EPN3: variants seen among roughly 807,000 people sequenced by gnomAD.
EPN3 encodes epsin-3.
Under a neutral mutation model 55.5 loss-of-function variants are expected in EPN3, and 56 were observed. That is an observed-to-expected ratio of 1.01 (90% CI 0.81 to 1.26). EPN3 has a LOEUF of 1.26. EPN3 is among the 50% of genes most tolerant of loss of function. The pLI is 0.00. For synonymous variants in EPN3, 449 were observed against 375.2 expected (o/e 1.20, Z -2.27); for missense variants, 927 against 853.4 (o/e 1.09, Z -1.07).
At chr17:50,538,229 G>A in intron 3 of EPN3, 32 bp downstream of exon 3, 2 of 1,552,076 alleles carry the variant, frequency 1.3e-6, no homozygotes, top group Non-Finnish European at 1.8e-6. Context: ...GCGGTGGGGA[G>A]GGGATGGGCT....
chr17:50,534,737 A>T, intron 1 of EPN3: 1 of 830,410 alleles, frequency 1.2e-6, no homozygotes, highest in East Asian at 1.2e-4. Context: ...AAACCTGCCA[A>T]GGCATGTTTT....
At chr17:50,539,040 C>T in intron 4 of EPN3, 76 bp downstream of exon 4, 1 of 1,534,330 alleles carries the variant, frequency 6.5e-7, no homozygotes, top group East Asian at 2.3e-5. Flanking sequence ...CTAACAGCCT[C>T]CTCCCGCTGT....
At chr17:50,538,993 GTGC>G (rs770136408) in intron 4 of EPN3, 29 bp downstream of exon 4, 447 of 1,567,876 alleles carry the variant, frequency 2.9e-4, no homozygotes, top group Admixed American at 6.7e-4. Context: ...TGGGCTGCCG[GTGC>G]TGCTGCTGCT....
intron 1 of EPN3, among the ~76,000 whole-genome samples, chr17:50,535,182 G>A (rs1332162051): frequency 6.6e-6 from 1 of 152,182 alleles, no homozygotes; most frequent in African/African-American, 2.4e-5. Context: ...AGCGTTTTGG[G>A]GCTTTGGAGA....
chr17:50,535,021 G>C (rs1218118229), intron 1 of EPN3, among the ~76,000 whole-genome samples: 1 of 152,196 alleles, frequency 6.6e-6, no homozygotes, highest in Non-Finnish European at 1.5e-5. Context: ...GGTGGTCAGG[G>C]AATTCCTCTT....
chr17:50,539,177 C>A lies in EPN3; in HGVS notation c.763-10C>A, dbSNP rs754944433. The stretch of plus-strand genomic sequence containing the variant: ...GCTCATGCTCCTAACTCTTTCTGTG[C>A]CTTCTGCAGGAGGTGAGGTCCTGGC... On this transcript the variant is annotated splice_polypyrimidine_tract_variant and intron_variant, in intron 4 of 9. Transcript: ENST00000268933. The A allele has an allele frequency of 3.7e-6, 6 of 1,613,588 alleles. No homozygotes were observed. In the South Asian group the frequency reaches 5.5e-5, roughly 15 times the overall value.
At chr17:50,538,310 C>A in intron 3 of EPN3, 113 bp downstream of exon 3, 1 of 781,726 alleles carries the variant, frequency 1.3e-6, no homozygotes, top group Non-Finnish European at 2.1e-6. Flanking sequence ...CAGTCCTGTG[C>A]CCAAGGACAG....
In EPN3 at chr17:50,536,510, TC is replaced by T; in HGVS notation, c.-45del. On this transcript the variant is annotated 5_prime_UTR_variant, in exon 2 of 10. Transcript: ENST00000268933. ...ACCTCGCCACAGTGGCCCTCAGCCC[TC>T]CACCTCCGGCGGGGGCGAGGGCCAC... 2 of 1,610,732 alleles carry T rather than the reference TC, an allele frequency of 1.2e-6. No individual in the cohort carries two copies. The highest frequency in any genetic ancestry group is 2.2e-5 in the East Asian group (1 of 44,744).
Position 50,538,170 on chromosome 17 carries a change from CG to C in EPN3, c.655del (p.Ala219ProfsTer2), listed in dbSNP as rs780489038. On this transcript the variant is annotated frameshift_variant, in exon 3 of 10. Transcript: ENST00000268933. LOFTEE classifies it high-confidence loss of function. ...AGGAACTGCAGCTGCAGCTGGCCCT[CG>C]CCATGAGCCGTGAGGAGGCAGAGAA... is the stretch of plus-strand genomic sequence containing the variant. The part of the protein sequence containing the change: ...EEELQLQLAL[A>X]MSREEAEKPV... 6.2e-6 allele frequency: 10 copies of C among 1,611,092 alleles called. No individual in the cohort carries two copies. The East Asian group carries it at 2.2e-4, about 36-fold the overall frequency.
intron 1 of EPN3, 165 bp from the exon 2 acceptor site, chr17:50,536,256 A>C: frequency 2.3e-6 from 1 of 437,114 alleles, no homozygotes; most frequent in Non-Finnish European, 4.1e-6. Flanking sequence ...TGAGCATGCA[A>C]AGCTCCAAGT....
intron 1 of EPN3, 177 bp from the exon 2 acceptor site, chr17:50,536,244 G>C (rs2034758821): frequency 1.2e-5 from 5 of 400,660 alleles, no homozygotes; most frequent in South Asian, 6.0e-5. Flanking sequence ...AAGATAGATA[G>C]ATGAGCATGC....
intron 2 of EPN3, 101 bp downstream of exon 2, chr17:50,537,219 G>A (rs925173998): frequency 8.2e-7 from 1 of 1,213,246 alleles, no homozygotes; most frequent in African/African-American, 1.5e-5. Flanking sequence ...CCTCCGAGGG[G>A]TGTTATGAAG....
rs373662801 is a variant in EPN3, at chr17:50,536,715, C to T, written c.159C>T (p.Phe53=). Residue 53 remains phenylalanine (F), a synonymous_variant, in exon 2 of 10, where the codon TTC becomes TTT. Transcript: ENST00000268933. ...ACCTGACCTTCAACACAGTGGCCTT[C>T]ACCGAAGTCATGGGCATGCTGTGGC... ...IADLTFNTVA[F]TEVMGMLWRR... is the part of the protein sequence containing the mutation. 1.2e-6 allele frequency: 2 copies of T among 1,614,140 alleles called. No individual in the cohort carries two copies. Among genetic ancestry groups the T allele is most frequent in the Non-Finnish European group, 8.5e-7 (1 of 1,180,042 alleles).
intron 5 of EPN3, 125 bp from the exon 6 acceptor site, chr17:50,540,122 G>C: frequency 1.4e-6 from 1 of 692,994 alleles, no homozygotes; most frequent in East Asian, 2.6e-5. Flanking sequence ...AGAGGTGAGG[G>C]ATCATGAATA....
In EPN3 at chr17:50,536,770, C is replaced by T. The variant is rs955884638; in HGVS notation, c.214C>T (p.Arg72Trp). The change falls in exon 2 of 10, where the codon CGG (arginine) becomes TGG (tryptophan). Residue 72 changes from arginine (R) to tryptophan (W), a missense_variant. Physicochemically the swap from Arg to Trp is moderately radical, Grantham distance 101. Coordinates refer to ENST00000268933, the MANE Select transcript of EPN3 (RefSeq NM_017957.3). ...RRLNDSGKNW[R>W]HVYKALTLLD... ...GCTCAATGACAGCGGCAAGAACTGG[C>T]GGCACGTGTACAAGGCTCTAACATT... 34 of 1,613,990 alleles carry T rather than the reference C, an allele frequency of 2.1e-5. No individual in the cohort carries two copies. Among genetic ancestry groups the T allele is most frequent in the Non-Finnish European group, 2.6e-5 (31 of 1,180,040 alleles).
rs936451 is a variant in EPN3, at chr17:50,532,737, A to G, written c.-385A>G. On this transcript the variant is annotated 5_prime_UTR_variant, in exon 1 of 10. Coordinates refer to ENST00000268933, the MANE Select transcript of EPN3 (RefSeq NM_017957.3). ...GGGCCAGCTGAGCAACTTTCCTCGG[A>G]GTGCTGCCTGGCGCTGGCTAGGAGG... The G allele has an allele frequency of 0.69, 306,026 of 440,998 alleles. 107,002 individuals carry two copies. Among genetic ancestry groups the G allele is most frequent in the East Asian group, 0.88 (8,783 of 10,026 alleles). 27.3% of individuals were successfully genotyped at this position (440,998 alleles called of 1,614,324 possible). A position where few individuals can be genotyped will look rare whatever the true frequency, so the allele number is the denominator to read the frequency against.
chr17:50,537,664 C>T (rs1284125402), intron 2 of EPN3, among the ~76,000 whole-genome samples: 1 of 152,232 alleles, frequency 6.6e-6, no homozygotes, highest in Non-Finnish European at 1.5e-5. Context: ...CTCAGAATGG[C>T]CCGCCTTCCA....
At chr17:50,534,380 A>G in intron 1 of EPN3, 1 of 980,944 alleles carries the variant, frequency 1.0e-6, no homozygotes, top group Non-Finnish European at 1.2e-6. Flanking sequence ...CCGGAGGGCC[A>G]GGGCAGCCAG....
Position 50,538,140 on chromosome 17 carries a change from G to T in EPN3, c.624G>T (p.Gly208=), listed in dbSNP as rs1414711500. Residue 208 remains glycine, a synonymous_variant, in exon 3 of 10, where the codon GGG becomes GGT. Transcript: ENST00000268933. ...AGCAGGCCCGGCCTCAGACGTCAGG[G>T]GAAGAGGAACTGCAGCTGCAGCTGG... is the stretch of plus-strand genomic sequence containing the variant. ...DLEQARPQTS[G]EEELQLQLAL... is the part of the protein sequence containing the mutation. 1.2e-6 allele frequency: 2 copies of T among 1,613,778 alleles called. No individual in the cohort carries two copies. The highest frequency in any genetic ancestry group is 2.7e-5 in the African/African-American group (2 of 74,960).
Sources: gnomAD v4.1 joint callset for allele counts (sites outside exome capture counted in the v4.1 genomes callset) on GRCh38, gnomAD v4.1.1 for gene constraint, MANE v1.5 for transcripts, NCBI Gene and HGNC (gene_info 2026-07-23, HGNC 2026-07-21) for gene names.